The following BEND3 variants were observed in gnomAD, a reference collection of about 807,000 sequenced individuals.
BEND3 encodes BEN domain-containing protein 3.
Under a neutral mutation model 60.1 loss-of-function variants are expected in BEND3, and 13 were observed. The observed-to-expected ratio is 0.22, with a 90% CI of 0.14 to 0.34. The LOEUF (loss-of-function observed/expected upper bound fraction) is 0.34. BEND3 is among the 10% of genes least tolerant of loss of function. BEND3 has a pLI of 1.00. For missense variants in BEND3, 896 were observed against 1,138.1 expected (o/e 0.79, Z 3.06); for synonymous variants, 497 against 491.5 (o/e 1.01, Z -0.15).
rs554600273 is a variant in BEND3 at position 107,104,807 on chromosome 6, C to T, written c.-11-5511G>A. Among the ~76,000 whole-genome samples, 15 of 151,864 alleles carry T rather than the reference C, an allele frequency of 9.9e-5. No homozygotes were observed. In the South Asian group the frequency reaches 2.5e-3, roughly 25 times the overall value. ...CCTCAGCCTCCCAAGCAGCTGGGAC[C>T]ACAGGCATGCGCCACCACATACAGC... On this transcript the variant is annotated intron_variant, in intron 1 of 3. Transcript: ENST00000369042.
rs151058559 is a variant in BEND3, at chr6:107,105,665, C to T, written c.-11-6369G>A. ...GGGCCGGGGAGTCACACAGGACAAGCGGCAGGCCCAGAAATGGGAAGTACT... is the reference window on the plus strand; with the variant it reads ...GGGCCGGGGAGTCACACAGGACAAGTGGCAGGCCCAGAAATGGGAAGTACT... On this transcript the variant is annotated intron_variant, in intron 1 of 3. Transcript: ENST00000369042. Among the ~76,000 whole-genome samples the T allele has an allele frequency of 1.7e-3, 257 of 152,238 alleles. 2 individuals carry two copies. The highest frequency in any genetic ancestry group is 1.5e-3 in the East Asian group (8 of 5,182).
In BEND3 at chr6:107,110,017, T is replaced by C. The variant is rs375696055; in HGVS notation, c.-12+5073A>G. Among the ~76,000 whole-genome samples the C allele has an allele frequency of 8.7e-5, 11 of 126,544 alleles. 1 individual carries two copies. The East Asian group carries it at 9.5e-4, about 11-fold the overall frequency. The allele number at this position is 126,544 out of a possible 152,430, so 83.0% of individuals were successfully genotyped here. A position where few individuals can be genotyped will look rare whatever the true frequency, so the allele number is the denominator to read the frequency against. ...CTGCACTCCATCCTGGGTGACAGAG[T>C]GAGACCCTGACTCAAAAAAAAAAAA... On this transcript the variant is annotated intron_variant, in intron 1 of 3. Transcript: ENST00000369042.
At chr6:107,074,266 T>C (rs151075442) in intron 3 of BEND3, among the ~76,000 whole-genome samples, 1,884 of 151,850 alleles carry the variant, frequency 0.012, 42 homozygotes, top group East Asian at 0.058. Flanking sequence ...AAATACAAAA[T>C]TAGTTGGGTG....
chr6:107,114,272 G>A (rs1770205096), intron 1 of BEND3: 1 of 152,058 alleles, frequency 6.6e-6, no homozygotes, highest in South Asian at 2.1e-4. Context: ...AGCGGCGAGC[G>A]CCCCAGGCTT....
intron 1 of BEND3, among the ~76,000 whole-genome samples, chr6:107,109,025 C>T (rs1775882038): frequency 6.6e-6 from 1 of 151,842 alleles, no homozygotes; most frequent in African/African-American, 2.4e-5. Flanking sequence ...AGGCTGGTCT[C>T]GAACTCCTGG....
chr6:107,103,880 G>A (rs1410374068), intron 1 of BEND3, among the ~76,000 whole-genome samples: 5 of 150,334 alleles, frequency 3.3e-5, no homozygotes, highest in East Asian at 2.0e-4. Flanking sequence ...TCCGGGAGGC[G>A]GAGGTTGTGA....
chr6:107,113,441 AAAAAAAAAAAAAC>A (rs1196961205), intron 1 of BEND3, among the ~76,000 whole-genome samples: 1 of 106,528 alleles, frequency 9.4e-6, no homozygotes, highest in Non-Finnish European at 2.1e-5. Context: ...CCGTCTCAAA[AAAAAAAAAAAAAC>A]AAAAAAAAAA....
chr6:107,097,790 CAAAAAAAA>C (rs10674719), intron 3 of BEND3, among the ~76,000 whole-genome samples: 2 of 53,350 alleles, frequency 3.7e-5, no homozygotes, highest in South Asian at 8.9e-4. Context: ...AACTCCGTCT[CAAAAAAAA>C]AAAAAAAAAA....
At position 107,069,503 on chromosome 6, in the gene BEND3, A is replaced by G. The variant is rs1554231493; in HGVS notation, c.1688T>C (p.Ile563Thr). 2 of 1,613,024 alleles carry G rather than the reference A, an allele frequency of 1.2e-6. No homozygotes were observed. Among genetic ancestry groups the G allele is most frequent in the African/African-American group, 1.3e-5 (1 of 74,924 alleles). Residue 563 changes from isoleucine to threonine, a missense_variant, in exon 4 of 4, where the codon ATC becomes ACC. By Grantham distance (89) the Ile-to-Thr change is moderately conservative. Coordinates refer to ENST00000369042, the MANE Select transcript of BEND3 (RefSeq NM_001367314.1). The stretch of plus-strand genomic sequence containing the variant: ...GCCGATGGACAGGCTGCTCTCGTAG[A>G]TGCTGCGTAGCTGCTCCTTGCTGAG... Reference protein sequence around the residue: ...CLLSKEQLRSIYESSLSIGNF... With the variant: ...CLLSKEQLRSTYESSLSIGNF...
intron 1 of BEND3, among the ~76,000 whole-genome samples, chr6:107,107,740 G>A (rs1342805720): frequency 6.6e-6 from 1 of 152,226 alleles, no homozygotes; most frequent in African/African-American, 2.4e-5. Context: ...GGGATTACAG[G>A]TGTGAGCCAT....
chr6:107,103,982 AG>A (rs2115033021), intron 1 of BEND3, among the ~76,000 whole-genome samples: 1 of 150,318 alleles, frequency 6.7e-6, no homozygotes, highest in African/African-American at 2.5e-5. Flanking sequence ...AAAGAAAGAA[AG>A]AAAGAAAAAA....
intron 1 of BEND3, among the ~76,000 whole-genome samples, chr6:107,109,709 A>C (rs559182295): frequency 6.6e-6 from 1 of 152,240 alleles, no homozygotes; most frequent in East Asian, 1.9e-4. Flanking sequence ...CCGCGTCTCT[A>C]CTAAAAATAC....
chr6:107,081,615 G>A (rs1230885007), intron 3 of BEND3, among the ~76,000 whole-genome samples: 3 of 152,034 alleles, frequency 2.0e-5, no homozygotes, highest in East Asian at 3.9e-4. Context: ...GTAAATACAC[G>A]TGACCATTTT....
intron 1 of BEND3, among the ~76,000 whole-genome samples, chr6:107,111,115 A>G (rs1410763495): frequency 1.3e-5 from 2 of 152,154 alleles, no homozygotes; most frequent in Non-Finnish European, 2.9e-5. Flanking sequence ...CAATGGGCCT[A>G]GACTGTGCCA....
chr6:107,071,310 C>A (rs1554232035), intron 3 of BEND3, among the ~76,000 whole-genome samples: 1 of 152,222 alleles, frequency 6.6e-6, no homozygotes, highest in African/African-American at 2.4e-5. Context: ...CATAGGAAGG[C>A]AACGGGCTTG....
intron 3 of BEND3, among the ~76,000 whole-genome samples, chr6:107,090,339 A>C (rs1775449232): frequency 6.6e-6 from 1 of 152,210 alleles, no homozygotes; most frequent in East Asian, 1.9e-4. Context: ...ACAGAGCAAG[A>C]CTCTGTCTCA....
intron 3 of BEND3, among the ~76,000 whole-genome samples, chr6:107,094,946 G>A (rs1396938919): frequency 2.7e-5 from 4 of 149,742 alleles, no homozygotes; most frequent in Non-Finnish European, 4.4e-5. Context: ...GCAGCCTCCC[G>A]AGTAGCTGGG....
chr6:107,108,573 G>T (rs782698798), intron 1 of BEND3, among the ~76,000 whole-genome samples: 1 of 152,126 alleles, frequency 6.6e-6, no homozygotes, highest in Non-Finnish European at 1.5e-5. Flanking sequence ...AGGGTTCGGG[G>T]CAGTTGGGTG....
chr6:107,090,633 CAAGG>C (rs1301993953), intron 3 of BEND3, among the ~76,000 whole-genome samples: 1 of 152,070 alleles, frequency 6.6e-6, no homozygotes, highest in Non-Finnish European at 1.5e-5. Context: ...AGCAATAAGA[CAAGG>C]GAGAAGAGGG....
Sources: allele counts gnomAD v4.1 joint callset (sites outside exome capture counted in the v4.1 genomes callset), GRCh38; gene constraint gnomAD v4.1.1; transcripts MANE v1.5; gene names NCBI Gene and HGNC (gene_info 2026-07-23, HGNC 2026-07-21).